BCL9: variants seen among roughly 807,000 people sequenced by gnomAD.
The protein encoded by BCL9 is BCL9 transcription coactivator, also known as B-cell CLL/lymphoma 9 protein.
In BCL9, 25 loss-of-function variants were observed where a neutral mutation model predicts 88.5. The ratio of observed to expected loss-of-function variants is 0.28; its 90% CI spans 0.21 to 0.39. The LOEUF is 0.39. Ranked by LOEUF, BCL9 falls within the 10% of genes least tolerant of loss-of-function variation. The probability of loss-of-function intolerance (pLI) is 1.00; values close to 1 mark genes in which losing one functional copy is unlikely to be tolerated. For missense variants in BCL9, 1,817 were observed against 1,877.8 expected (o/e 0.97, Z 0.60); for synonymous variants, 711 against 673.3 (o/e 1.06, Z -0.87).
At chr1:147,569,111 G>A (rs79702372) in intron 1 of BCL9, among the ~76,000 whole-genome samples, 4,977 of 151,830 alleles carry the variant, frequency 0.033, 118 homozygotes, top group Non-Finnish European at 0.043. Context: ...CTTAGAATGA[G>A]TTCTACAGGT....
At chr1:147,550,514 G>A (rs1194286569) in intron 1 of BCL9, among the ~76,000 whole-genome samples, 6 of 152,162 alleles carry the variant, frequency 3.9e-5, no homozygotes, top group Non-Finnish European at 7.3e-5. Flanking sequence ...GATGAGTGAC[G>A]TCATTTCATG....
chr1:147,589,117 G>A lies in BCL9; in HGVS notation c.-477-15660G>A, dbSNP rs781843896. On this transcript the variant is annotated intron_variant, in intron 1 of 9. Transcript: ENST00000234739. ...CATCATCCCTGTCCCTAATGGTAGTGACACTGAAAGCTTTACCCTTGACAT... is the reference window on the plus strand; with the variant it reads ...CATCATCCCTGTCCCTAATGGTAGTAACACTGAAAGCTTTACCCTTGACAT... Among the ~76,000 whole-genome samples, 10 of 152,230 alleles carry A rather than the reference G, an allele frequency of 6.6e-5. No individual in the cohort carries two copies. In the East Asian group the frequency reaches 1.5e-3, roughly 24 times the overall value.
chr1:147,608,584 CT>C (rs1294039006), intron 3 of BCL9, among the ~76,000 whole-genome samples: 5 of 152,086 alleles, frequency 3.3e-5, no homozygotes, highest in Admixed American at 6.5e-5. Flanking sequence ...CAGTTAAGAA[CT>C]TTCTGCCTGG....
At position 147,619,379 on chromosome 1, in the gene BCL9, C is replaced by T; in HGVS notation, c.1224C>T (p.Ala408=). 1 of 1,614,060 alleles carries T rather than the reference C, an allele frequency of 6.2e-7. No homozygotes were observed. Among genetic ancestry groups the T allele is most frequent in the Non-Finnish European group, 8.5e-7 (1 of 1,180,006 alleles). Residue 408 remains alanine, a synonymous_variant, in exon 8 of 10, where the codon GCC becomes GCT. Coordinates refer to ENST00000234739, the MANE Select transcript of BCL9 (RefSeq NM_004326.4). The surrounding 1 kb of genome is among the most constrained non-coding windows in gnomAD (Gnocchi z 4.1). ...PQKKPEGPIQ[A]MMAQSQSLGK... ...AAAAACCAGAAGGGCCAATACAGGCCATGATGGCCCAATCCCAAAGCCTAG... is the reference window on the plus strand; with the variant it reads ...AAAAACCAGAAGGGCCAATACAGGCTATGATGGCCCAATCCCAAAGCCTAG...
chr1:147,583,421 G>T (rs1553198852), intron 1 of BCL9, among the ~76,000 whole-genome samples: 2 of 151,902 alleles, frequency 1.3e-5, no homozygotes, highest in Non-Finnish European at 2.9e-5. Context: ...GGGATTATAA[G>T]CATGCAACAC....
chr1:147,611,881 C>T lies in BCL9; in HGVS notation c.45C>T (p.Asn15=). 3.7e-6 allele frequency: 6 copies of T among 1,614,108 alleles called. No individual in the cohort carries two copies. The highest frequency in any genetic ancestry group is 4.2e-6 in the Non-Finnish European group (5 of 1,179,956). The part of the protein sequence containing the change: ...NPKVRSSPSG[N]TQSSPKSKQE... ...AAGTGAGGAGCTCTCCATCAGGAAA[C>T]ACACAGAGGTAAGGGCTGGGCTGGG... is the stretch of plus-strand genomic sequence containing the variant. The change falls in exon 4 of 10, where the codon AAC becomes AAT. Residue 15 remains asparagine, a synonymous_variant. Coordinates refer to ENST00000234739, the MANE Select transcript of BCL9 (RefSeq NM_004326.4).
At chr1:147,612,344 G>A (rs1445267165) in intron 4 of BCL9, among the ~76,000 whole-genome samples, 4 of 152,150 alleles carry the variant, frequency 2.6e-5, no homozygotes, top group African/African-American at 9.7e-5. Flanking sequence ...ACTCCCTGAG[G>A]GCAGTGGTTG....
At chr1:147,577,989 T>C (rs1172315529) in intron 1 of BCL9, among the ~76,000 whole-genome samples, 1 of 152,144 alleles carries the variant, frequency 6.6e-6, no homozygotes, top group African/African-American at 2.4e-5. Context: ...AGTTAATTGA[T>C]TATTTCCCCT....
At chr1:147,567,235 G>A (rs1271127194) in intron 1 of BCL9, among the ~76,000 whole-genome samples, 1 of 152,118 alleles carries the variant, frequency 6.6e-6, no homozygotes, top group African/African-American at 2.4e-5. Context: ...CTTTGGTGAT[G>A]TTTTCTTGTA....
intron 1 of BCL9, among the ~76,000 whole-genome samples, chr1:147,563,122 T>C (rs1326601162): frequency 1.3e-5 from 2 of 152,226 alleles, no homozygotes; most frequent in South Asian, 4.1e-4. Context: ...TTAGCTTAAA[T>C]GTCACCTCTT....
intron 1 of BCL9, among the ~76,000 whole-genome samples, chr1:147,555,812 T>G (rs1324438378): frequency 6.6e-6 from 1 of 152,252 alleles, no homozygotes; most frequent in African/African-American, 2.4e-5. Flanking sequence ...CATGCCTAAG[T>G]TGATAGCACA....
intron 1 of BCL9, among the ~76,000 whole-genome samples, chr1:147,557,588 C>T (rs587710462): frequency 1.8e-3 from 278 of 152,204 alleles, no homozygotes; most frequent in Non-Finnish European, 3.2e-3. Flanking sequence ...CACATTTAGC[C>T]TTGTGCTCAA....
At position 147,624,386 on chromosome 1, in the gene BCL9, A is replaced by G. The variant is rs782706989; in HGVS notation, c.3708A>G (p.Leu1236=). 8.1e-6 allele frequency: 13 copies of G among 1,614,070 alleles called. No homozygotes were observed. In the African/African-American group the frequency reaches 1.5e-4, roughly 18 times the overall value. Residue 1236 remains leucine (L), a synonymous_variant, in exon 10 of 10, where the codon CTA becomes CTG. Transcript: ENST00000234739. The surrounding 1 kb of genome is among the most constrained non-coding windows in gnomAD (Gnocchi z 4.4). ...CCACCGGAATACCTGAGTTTGATCTATCCCGCATTATTCCATCTGAGAAGC... is the reference window on the plus strand; with the variant it reads ...CCACCGGAATACCTGAGTTTGATCTGTCCCGCATTATTCCATCTGAGAAGC... The part of the protein sequence containing the change: ...PGATGIPEFD[L]SRIIPSEKPS...
chr1:147,564,602 T>C (rs587776346), intron 1 of BCL9, among the ~76,000 whole-genome samples: 22 of 152,322 alleles, frequency 1.4e-4, no homozygotes, highest in African/African-American at 5.1e-4. Flanking sequence ...GAGAGTTGTT[T>C]TGAGGATCAA....
At chr1:147,551,942 T>A (rs1045965459) in intron 1 of BCL9, among the ~76,000 whole-genome samples, 1 of 152,196 alleles carries the variant, frequency 6.6e-6, no homozygotes, top group Non-Finnish European at 1.5e-5. Flanking sequence ...ATTTAACAAA[T>A]ATGATAAATA....
At chr1:147,588,425 A>G (rs954683062) in intron 1 of BCL9, among the ~76,000 whole-genome samples, 1 of 152,194 alleles carries the variant, frequency 6.6e-6, no homozygotes, top group African/African-American at 2.4e-5. Context: ...ACAAAAAACG[A>G]CAGTATACAC....
intron 1 of BCL9, among the ~76,000 whole-genome samples, chr1:147,571,225 G>T (rs1274509815): frequency 6.6e-6 from 1 of 152,082 alleles, no homozygotes; most frequent in Non-Finnish European, 1.5e-5. Flanking sequence ...CTGCTCTGAG[G>T]TGGGTAGGAT....
chr1:147,557,427 A>C (rs1027437081), intron 1 of BCL9, among the ~76,000 whole-genome samples: 3 of 152,246 alleles, frequency 2.0e-5, no homozygotes, highest in East Asian at 3.8e-4. Context: ...AAAGTAAAGC[A>C]TCTTGTATTG....
In BCL9 at chr1:147,570,653, T is replaced by TTTG. The variant is rs1481643504; in HGVS notation, c.-478+28979_-478+28980insTTG. ...TTCTTTTTTTTCTTTTTTTTTTTTG[T>TTTG]AGATGGAGTTTTGCTCTTGTTGCAT... On this transcript the variant is annotated intron_variant, in intron 1 of 9. Coordinates refer to ENST00000234739, the MANE Select transcript of BCL9 (RefSeq NM_004326.4). 6.6e-3 allele frequency among the ~76,000 whole-genome samples: 336 copies of TTTG among 51,252 alleles called. 10 individuals carry two copies. Among genetic ancestry groups the TTTG allele is most frequent in the Middle Eastern group, 8.8e-3 (1 of 114 alleles). The allele number at this position is 51,252 out of a possible 152,430, so 33.6% of individuals were successfully genotyped here. A position where few individuals can be genotyped will look rare whatever the true frequency, so the allele number is the denominator to read the frequency against.
Sources: gnomAD v4.1 joint callset for allele counts (sites outside exome capture counted in the v4.1 genomes callset) on GRCh38, gnomAD v4.1.1 for gene constraint, Gnocchi (gnomAD v3.1) non-coding constraint, MANE v1.5 for transcripts, NCBI Gene and HGNC (gene_info 2026-07-23, HGNC 2026-07-21) for gene names.